The following PLA2G12A variants were observed in gnomAD, a reference collection of about 807,000 sequenced individuals.
PLA2G12A encodes the protein group XIIA secretory phospholipase A2.
In PLA2G12A, 11 loss-of-function variants were observed where a neutral mutation model predicts 16.0. The ratio of observed to expected loss-of-function variants is 0.69; its 90% CI spans 0.43 to 1.13. PLA2G12A has a LOEUF of 1.13. PLA2G12A is among the 50% of genes most tolerant of loss of function. The pLI is 0.00. For missense variants in PLA2G12A, 214 were observed against 237.3 expected (o/e 0.90, Z 0.65); for synonymous variants, 77 against 93.8 (o/e 0.82, Z 1.03).
In PLA2G12A at chr4:109,717,727, T is replaced by C. The variant is rs764052906; in HGVS notation, c.286-14A>G. 1.9e-6 allele frequency: 3 copies of C among 1,612,118 alleles called. No individual in the cohort carries two copies. Among genetic ancestry groups the C allele is most frequent in the Non-Finnish European group, 2.5e-6 (3 of 1,178,420 alleles). Reference sequence around the variant, plus strand: ...ACCAATGTTAAGCTGCAAAAGGCATTTGGATGGATTACTGTCAATGAAATG... The same window carrying C: ...ACCAATGTTAAGCTGCAAAAGGCATCTGGATGGATTACTGTCAATGAAATG... On this transcript the variant is annotated splice_polypyrimidine_tract_variant and intron_variant, in intron 2 of 3. Transcript: ENST00000243501.
chr4:109,716,375 T>C (rs755520762), intron 3 of PLA2G12A, among the ~76,000 whole-genome samples: 1 of 152,160 alleles, frequency 6.6e-6, no homozygotes. Context: ...CCTTGAAAAA[T>C]GGGGATAACA....
chr4:109,729,836 C>T lies in PLA2G12A; in HGVS notation c.-27G>A. The T allele has an allele frequency of 1.3e-6, 2 of 1,538,152 alleles. No homozygotes were observed. Among genetic ancestry groups the T allele is most frequent in the East Asian group, 4.9e-5 (2 of 40,500 alleles). On this transcript the variant is annotated 5_prime_UTR_variant, in exon 1 of 4. Transcript: ENST00000243501. ...CGCGCAGCGCCGGGCTCTACGGGTCCCCGAGCCGCGGCGCGGGGCGCGTCC... is the reference window on the plus strand; with the variant it reads ...CGCGCAGCGCCGGGCTCTACGGGTCTCCGAGCCGCGGCGCGGGGCGCGTCC...
rs376414057 is a variant in PLA2G12A, at chr4:109,729,742, T to C, written c.68A>G (p.Gln23Arg). ...CCAGTCGGTGGTCTGGGCCTGCTCCTGGCACCTGACAACAGCGGCCATGAG... is the reference window on the plus strand; with the variant it reads ...CCAGTCGGTGGTCTGGGCCTGCTCCCGGCACCTGACAACAGCGGCCATGAG... ...LLLMAAVVRCQEQAQTTDWRA... is the reference protein window; with the variant it reads ...LLLMAAVVRCREQAQTTDWRA... Residue 23 changes from glutamine (Q) to arginine (R), a missense_variant, in exon 1 of 4, where the codon CAG becomes CGG. Transcript: ENST00000243501. 52 of 1,594,446 alleles carry C rather than the reference T, an allele frequency of 3.3e-5. No individual in the cohort carries two copies. The highest frequency in any genetic ancestry group is 4.0e-5 in the Non-Finnish European group (47 of 1,171,514).
rs1730712870 is a variant in PLA2G12A, at chr4:109,710,861, T to G, written c.*3516A>C. 1 of 152,226 alleles carries G rather than the reference T, an allele frequency of 6.6e-6. No homozygotes were observed. Among genetic ancestry groups the G allele is most frequent in the African/African-American group, 2.4e-5 (1 of 41,458 alleles). 9.4% of individuals were successfully genotyped at this position (152,226 alleles called of 1,614,324 possible). A position where few individuals can be genotyped will look rare whatever the true frequency, so the allele number is the denominator to read the frequency against. On this transcript the variant is annotated 3_prime_UTR_variant, in exon 4 of 4. Coordinates refer to ENST00000243501, the MANE Select transcript of PLA2G12A (RefSeq NM_030821.5). ...GGATGCGTTTAATTAGCTTTTGCCC[T>G]TATATCTCAATTCTGTCTTCATTAC...
chr4:109,717,794 G>T (rs1730854953), intron 2 of PLA2G12A, 81 bp from the exon 3 acceptor site: 4 of 1,320,260 alleles, frequency 3.0e-6, no homozygotes, highest in Middle Eastern at 1.9e-4. Flanking sequence ...GACTAAATAG[G>T]TATAAATGAT....
intron 1 of PLA2G12A, among the ~76,000 whole-genome samples, chr4:109,720,592 AAAAAAAAAAAAAATATATATATAT>A (rs1440694684): frequency 2.1e-3 from 68 of 31,774 alleles, no homozygotes; most frequent in African/African-American, 3.9e-3. Context: ...AAAAAAAAAA[AAAAAAAAAAAAAATATATATATAT>A]ATATATATAT....
chr4:109,721,319 C>CTT (rs531961276), intron 1 of PLA2G12A, among the ~76,000 whole-genome samples: 9,315 of 136,556 alleles, frequency 0.068, 374 homozygotes, highest in Middle Eastern at 0.1. Context: ...GTCCTTCATT[C>CTT]TTTTTTTTTT....
chr4:109,711,033 T>C lies in PLA2G12A; in HGVS notation c.*3344A>G, dbSNP rs1339851042. On this transcript the variant is annotated 3_prime_UTR_variant, in exon 4 of 4. Transcript: ENST00000243501. ...CAATATTACATTTCTTGCAAAGAGCTGCTGACAGTTAGTTCTTGCCTTTTT... is the reference window on the plus strand; with the variant it reads ...CAATATTACATTTCTTGCAAAGAGCCGCTGACAGTTAGTTCTTGCCTTTTT... 6.7e-6 allele frequency: 1 copy of C among 149,038 alleles called. No homozygotes were observed. Among genetic ancestry groups the C allele is most frequent in the Non-Finnish European group, 1.5e-5 (1 of 67,654 alleles). 9.2% of individuals were successfully genotyped at this position (149,038 alleles called of 1,614,324 possible). A position where few individuals can be genotyped will look rare whatever the true frequency, so the allele number is the denominator to read the frequency against.
chr4:109,725,806 C>T (rs1271014780), intron 1 of PLA2G12A, among the ~76,000 whole-genome samples: 1 of 152,170 alleles, frequency 6.6e-6, no homozygotes. Context: ...AGATGACAAG[C>T]ACAAGAAGTA....
chr4:109,722,947 A>T (rs1722836674), intron 1 of PLA2G12A, among the ~76,000 whole-genome samples: 2 of 152,208 alleles, frequency 1.3e-5, no homozygotes, highest in African/African-American at 4.8e-5. Flanking sequence ...GAAGGCTTGG[A>T]ATATTCATTA....
intron 2 of PLA2G12A, 132 bp from the exon 3 acceptor site, chr4:109,717,845 T>C (rs1449141963): frequency 2.2e-6 from 2 of 889,590 alleles, no homozygotes; most frequent in African/African-American, 3.4e-5. Flanking sequence ...CATTTCTGCC[T>C]ACAAATATTT....
intron 1 of PLA2G12A, among the ~76,000 whole-genome samples, chr4:109,720,509 T>A (rs1199274604): frequency 8.1e-6 from 1 of 123,294 alleles, no homozygotes; most frequent in Non-Finnish European, 1.7e-5. Context: ...CTTTGGGAGG[T>A]TGAGGTGCCT....
rs781776375 is a variant in PLA2G12A, at chr4:109,718,712, C to T, written c.256G>A (p.Gly86Arg). The T allele has an allele frequency of 5.4e-5, 87 of 1,603,122 alleles. No homozygotes were observed. Among genetic ancestry groups the T allele is most frequent in the Non-Finnish European group, 7.2e-5 (85 of 1,173,636 alleles). The change falls in exon 2 of 4, where the codon GGA becomes AGA. Residue 86 changes from glycine to arginine, a missense_variant. By Grantham distance (125) the Gly-to-Arg change is moderately radical (BLOSUM62 -2). Coordinates refer to ENST00000243501, the MANE Select transcript of PLA2G12A (RefSeq NM_030821.5). ...RYGYKPSPPN[G>R]CGSPLFGVHL... ...ACACCAAACAGTGGAGAGCCACATC[C>T]ATTCGGTGGGGAGGGTTTATAACCA...
At chr4:109,720,574 C>CAAAAAA (rs61477793) in intron 1 of PLA2G12A, among the ~76,000 whole-genome samples, 5 of 37,472 alleles carry the variant, frequency 1.3e-4, no homozygotes, top group African/African-American at 2.4e-4. Flanking sequence ...TGTCTGTATT[C>CAAAAAA]AAAAAAAAAA....
At chr4:109,715,833 AT>A (rs1730820690) in intron 3 of PLA2G12A, among the ~76,000 whole-genome samples, 2 of 152,226 alleles carry the variant, frequency 1.3e-5, no homozygotes, top group Admixed American at 6.5e-5. Flanking sequence ...TACTTTTCTT[AT>A]TCTAAGAAAC....
At chr4:109,727,851 G>A (rs536663230) in intron 1 of PLA2G12A, among the ~76,000 whole-genome samples, 2 of 152,254 alleles carry the variant, frequency 1.3e-5, no homozygotes, top group South Asian at 4.1e-4. Context: ...ATTTTAACAA[G>A]GCTGGTATTC....
chr4:109,714,288 A>T lies in PLA2G12A; in HGVS notation c.*89T>A, dbSNP rs1730787857. 1.1e-6 allele frequency: 1 copy of T among 918,448 alleles called. No homozygotes were observed. Among genetic ancestry groups the T allele is most frequent in the Admixed American group, 2.0e-5 (1 of 51,228 alleles). The allele number at this position is 918,448 out of a possible 1,614,324, so 56.9% of individuals were successfully genotyped here. A position where few individuals can be genotyped will look rare whatever the true frequency, so the allele number is the denominator to read the frequency against. On this transcript the variant is annotated 3_prime_UTR_variant, in exon 4 of 4. Transcript: ENST00000243501. Reference sequence around the variant, plus strand: ...GTCTCAAAATAATCCTTTCACAAAAATAAGACAGTTTTATGTTGTAAAAAC... The same window carrying T: ...GTCTCAAAATAATCCTTTCACAAAATTAAGACAGTTTTATGTTGTAAAAAC...
At chr4:109,719,859 G>C (rs544026790) in intron 1 of PLA2G12A, among the ~76,000 whole-genome samples, 4 of 152,278 alleles carry the variant, frequency 2.6e-5, no homozygotes, top group Admixed American at 2.6e-4. Flanking sequence ...CGATAGACTT[G>C]CTCAATGCAG....
In PLA2G12A at chr4:109,717,714, C is replaced by T; in HGVS notation, c.286-1G>A. On this transcript the variant is annotated splice_acceptor_variant, in intron 2 of 3. Coordinates refer to ENST00000243501, the MANE Select transcript of PLA2G12A (RefSeq NM_030821.5). LOFTEE classifies it high-confidence loss of function. ...TCAGGGAAGGGATACCAATGTTAAG[C>T]TGCAAAAGGCATTTGGATGGATTAC... is the stretch of plus-strand genomic sequence containing the variant. The T allele has an allele frequency of 1.2e-6, 2 of 1,613,422 alleles. No individual in the cohort carries two copies. The highest frequency in any genetic ancestry group is 2.2e-5 in the South Asian group (2 of 90,994).
Sources: gnomAD v4.1 joint callset for allele counts (sites outside exome capture counted in the v4.1 genomes callset) on GRCh38, gnomAD v4.1.1 for gene constraint, MANE v1.5 for transcripts, NCBI Gene and HGNC (gene_info 2026-07-23, HGNC 2026-07-21) for gene names.